Variants in PRIM2 observed in about 807,000 individuals in gnomAD.
The protein encoded by PRIM2 is DNA primase large subunit.
In PRIM2, 39 loss-of-function variants were observed where a neutral mutation model predicts 67.3. The ratio of observed to expected loss-of-function variants is 0.58; its 90% CI spans 0.45 to 0.76. The LOEUF (loss-of-function observed/expected upper bound fraction) is 0.76. Ranked by LOEUF, PRIM2 falls within the 30% of genes least tolerant of loss-of-function variation. The pLI, the probability that PRIM2 is intolerant of heterozygous loss-of-function variation, is 0.00. For synonymous variants in PRIM2, 143 were observed against 198.7 expected (o/e 0.72, Z 2.36); for missense variants, 398 against 598.7 (o/e 0.66, Z 3.50).
At chr6:57,245,087 T>C in the PRIM2 span, among the ~76,000 whole-genome samples, 1 of 152,176 alleles carries the variant, frequency 6.6e-6, no homozygotes, top group African/African-American at 2.4e-5. Context: ...GAGGCCTTCC[T>C]CTCTCCACTG....
intron 7 of PRIM2, among the ~76,000 whole-genome samples, chr6:57,415,896 C>A (rs1464843164): frequency 2.6e-5 from 4 of 152,166 alleles, no homozygotes; most frequent in Middle Eastern, 3.2e-3. Flanking sequence ...AATTCGAGTT[C>A]TCTTGTGATT....
At chr6:57,481,769 A>G (rs1773634676) in intron 7 of PRIM2, among the ~76,000 whole-genome samples, 1 of 152,008 alleles carries the variant, frequency 6.6e-6, no homozygotes. Context: ...TGGTGTCATC[A>G]CTGTTTTATT....
the PRIM2 span, among the ~76,000 whole-genome samples, chr6:57,266,596 T>A: frequency 6.6e-6 from 1 of 152,222 alleles, no homozygotes; most frequent in Non-Finnish European, 1.5e-5. Flanking sequence ...CAGCCAAATA[T>A]GTTTTTCATG....
intron 10 of PRIM2, among the ~76,000 whole-genome samples, chr6:57,543,089 G>A (rs1260584021): frequency 6.7e-6 from 1 of 148,578 alleles, no homozygotes; most frequent in African/African-American, 2.5e-5. Flanking sequence ...ACAGGCGCCC[G>A]CCACCTCGCC....
chr6:57,613,016 G>A (rs1776694005), intron 12 of PRIM2, among the ~76,000 whole-genome samples: 1 of 151,880 alleles, frequency 6.6e-6, no homozygotes, highest in South Asian at 2.1e-4. Flanking sequence ...GGCTGGTCTT[G>A]AACTCATGGC....
chr6:57,407,304 A>G (rs1157888126), intron 7 of PRIM2, among the ~76,000 whole-genome samples: 2 of 151,784 alleles, frequency 1.3e-5, no homozygotes, highest in Admixed American at 6.6e-5. Context: ...TTTTGTAAGT[A>G]TATTTTCATT....
intron 8 of PRIM2, among the ~76,000 whole-genome samples, chr6:57,526,282 T>G (rs1554349393): frequency 3.9e-5 from 6 of 152,256 alleles, no homozygotes; most frequent in Admixed American, 6.5e-5. Context: ...AAAACTGATA[T>G]TTCACCCTTA....
chr6:57,355,271 T>A (rs1275374646), intron 5 of PRIM2, among the ~76,000 whole-genome samples: 4 of 140,494 alleles, frequency 2.8e-5, no homozygotes, highest in African/African-American at 1.1e-4. Flanking sequence ...GCCACTGCAC[T>A]CCAGCCTGGG....
At chr6:57,469,508 G>A in intron 7 of PRIM2, among the ~76,000 whole-genome samples, 1 of 152,310 alleles carries the variant, frequency 6.6e-6, no homozygotes, top group Middle Eastern at 3.4e-3. Context: ...GTGATCTTAC[G>A]ATGTGAATTC....
In PRIM2 at chr6:57,537,609, A is replaced by C; in HGVS notation, c.1004A>C (p.Lys335Thr). ...TGGAAGCAAGAATTTATCAAAGGAA[A>C]GATGGATCCAGACAAGGTAATTTTG... ...QFWKQEFIKG[K>T]MDPDKFDKGY... The change falls in exon 10 of 14, where the codon AAG becomes ACG. Residue 335 changes from lysine to threonine, a missense_variant. Lys to Thr is a moderately conservative substitution (Grantham distance 78, BLOSUM62 -1). Transcript: ENST00000615550. The C allele has an allele frequency of 3.2e-6, 5 of 1,549,122 alleles. No individual in the cohort carries two copies. The highest frequency in any genetic ancestry group is 4.4e-6 in the Non-Finnish European group (5 of 1,145,722).
At chr6:57,261,548 CA>C in the PRIM2 span, among the ~76,000 whole-genome samples, 1 of 152,144 alleles carries the variant, frequency 6.6e-6, no homozygotes, top group Admixed American at 6.5e-5. Flanking sequence ...AATCTAAGAG[CA>C]AAACAGGACA....
At chr6:57,234,769 C>T in the PRIM2 span, among the ~76,000 whole-genome samples, 4 of 152,080 alleles carry the variant, frequency 2.6e-5, no homozygotes, top group African/African-American at 9.7e-5. Flanking sequence ...GTGACCCACC[C>T]GCCTTGGCCT....
At chr6:57,609,417 T>C (rs1489686568) in intron 12 of PRIM2, among the ~76,000 whole-genome samples, 1 of 152,182 alleles carries the variant, frequency 6.6e-6, no homozygotes, top group East Asian at 1.9e-4. Flanking sequence ...AATGATATTC[T>C]GGTTATAGAA....
chr6:57,283,240 C>T, the PRIM2 span, among the ~76,000 whole-genome samples: 1 of 152,074 alleles, frequency 6.6e-6, no homozygotes, highest in African/African-American at 2.4e-5. Context: ...CATATTATTG[C>T]CTTTGTTGGG....
intron 7 of PRIM2, among the ~76,000 whole-genome samples, chr6:57,389,767 T>G (rs1323656903): frequency 6.6e-6 from 1 of 152,216 alleles, no homozygotes; most frequent in Non-Finnish European, 1.5e-5. Flanking sequence ...TCTTGTATCC[T>G]CTTTTTAAAA....
At chr6:57,287,604 T>G in the PRIM2 span, among the ~76,000 whole-genome samples, 1 of 151,862 alleles carries the variant, frequency 6.6e-6, no homozygotes, top group Non-Finnish European at 1.5e-5. Flanking sequence ...CACTGGAGCC[T>G]GTCAGGGGGT....
chr6:57,274,009 C>T, the PRIM2 span, among the ~76,000 whole-genome samples: 4 of 152,302 alleles, frequency 2.6e-5, no homozygotes, highest in African/African-American at 4.8e-5. Context: ...GAGGAGTACC[C>T]GGCCGTGTAA....
chr6:57,260,521 C>G, the PRIM2 span, among the ~76,000 whole-genome samples: 1 of 151,830 alleles, frequency 6.6e-6, no homozygotes, highest in South Asian at 2.1e-4. Context: ...TTTTATGAAC[C>G]CATTCTATTT....
the PRIM2 span, among the ~76,000 whole-genome samples, chr6:57,254,845 G>T: frequency 2.0e-5 from 3 of 152,248 alleles, no homozygotes; most frequent in African/African-American, 4.8e-5. Flanking sequence ...AGGTCTTCAG[G>T]ATTCAGATCT....
Sources: allele counts gnomAD v4.1 joint callset (sites outside exome capture counted in the v4.1 genomes callset), GRCh38; gene constraint gnomAD v4.1.1; transcripts MANE v1.5; gene names NCBI Gene and HGNC (gene_info 2026-07-23, HGNC 2026-07-21).